FBXL5: variants seen among roughly 807,000 people sequenced by gnomAD.
FBXL5 encodes the protein F-box and leucine rich repeat protein 5.
In FBXL5, 26 loss-of-function variants were observed where a neutral mutation model predicts 78.3. The ratio of observed to expected loss-of-function variants is 0.33; its 90% CI spans 0.24 to 0.46. FBXL5 has a LOEUF of 0.46. Ranked by LOEUF, FBXL5 falls within the 20% of genes least tolerant of loss-of-function variation. FBXL5 has a pLI of 1.00. For synonymous variants in FBXL5, 295 were observed against 282.5 expected (o/e 1.04, Z -0.45); for missense variants, 710 against 829.2 (o/e 0.86, Z 1.77).
intron 1 of FBXL5, among the ~76,000 whole-genome samples, chr4:15,665,380 C>A (rs867670760): frequency 2.0e-5 from 3 of 152,124 alleles, no homozygotes; most frequent in South Asian, 4.1e-4. Context: ...AGAATCCCTC[C>A]TTCTCTCCAA....
intron 1 of FBXL5, among the ~76,000 whole-genome samples, chr4:15,647,299 C>T (rs1437184147): frequency 1.5e-5 from 2 of 131,684 alleles, no homozygotes; most frequent in South Asian, 5.1e-4. Flanking sequence ...AACAATATAA[C>T]AACTACATAC....
At chr4:15,668,215 G>T (rs1717626534) in intron 1 of FBXL5, among the ~76,000 whole-genome samples, 1 of 150,364 alleles carries the variant, frequency 6.7e-6, no homozygotes, top group African/African-American at 2.5e-5. Context: ...AGTTGTAAAT[G>T]GTCAGTTCAT....
chr4:15,617,536 T>C (rs190683015), intron 9 of FBXL5, among the ~76,000 whole-genome samples: 185 of 119,624 alleles, frequency 1.5e-3, no homozygotes, highest in African/African-American at 5.6e-3. Context: ...AGAGTGAGAC[T>C]CCATGTCTCA....
chr4:15,655,873 C>T (rs1417751768), upstream of FBXL5, among the ~76,000 whole-genome samples: 2 of 152,220 alleles, frequency 1.3e-5, no homozygotes, highest in Non-Finnish European at 2.9e-5. Flanking sequence ...GGCCGCCACT[C>T]AAAGGCCGGG....
At chr4:15,661,016 G>C (rs995478901), upstream of FBXL5, among the ~76,000 whole-genome samples, 1 of 151,980 alleles carries the variant, frequency 6.6e-6, no homozygotes. Context: ...GAAGGAGGTT[G>C]CAGTGAGCCT....
At chr4:15,680,161 C>T (rs1022171718) in intron 1 of FBXL5, among the ~76,000 whole-genome samples, 3 of 151,356 alleles carry the variant, frequency 2.0e-5, no homozygotes, top group African/African-American at 7.3e-5. Flanking sequence ...GAAGGAGAGA[C>T]CGAGTGAAAT....
Position 15,636,655 on chromosome 4 carries a change from G to T in FBXL5, c.605C>A (p.Ser202Tyr), listed in dbSNP as rs1295336328. Residue 202 changes from serine (S) to tyrosine (Y), a missense_variant, in exon 5 of 11, where the codon TCC becomes TAC. Physicochemically the swap from Ser to Tyr is moderately radical, Grantham distance 144 (BLOSUM62 -2). Around this residue, in one of 4 missense-constraint regions of FBXL5, gnomAD observed 517 missense variants for 542.9 expected, o/e 0.95. Coordinates refer to ENST00000341285, the MANE Select transcript of FBXL5 (RefSeq NM_012161.4). ...AGGAGGAAGATGGGTTATACCTGTG[G>T]AGTGTTCTGACACTTCTGCTTCTGA... is the stretch of plus-strand genomic sequence containing the variant. Reference protein sequence around the residue: ...SDKEAEVSEHSTGITHLPPEV... With the variant: ...SDKEAEVSEHYTGITHLPPEV... 7 of 1,602,024 alleles carry T rather than the reference G, an allele frequency of 4.4e-6. No individual in the cohort carries two copies. Among genetic ancestry groups the T allele is most frequent in the Non-Finnish European group, 5.1e-6 (6 of 1,173,044 alleles).
chr4:15,636,401 C>T, intron 5 of FBXL5, 93 bp downstream of exon 5: 7 of 1,028,976 alleles, frequency 6.8e-6, no homozygotes, highest in Non-Finnish European at 7.9e-6. Context: ...TGATTGACCT[C>T]TCAGAGTTTC....
At position 15,640,770 on chromosome 4, in the gene FBXL5, A is replaced by G; in HGVS notation, c.396+18T>C. ...AGAATGTTATAAATCTAAATCACGA[A>G]AGAAAAATTATGCTTACCTCCTCTT... is the stretch of plus-strand genomic sequence containing the variant. On this transcript the variant is annotated intron_variant, in intron 3 of 10. Transcript: ENST00000341285. 1 of 1,379,742 alleles carries G rather than the reference A, an allele frequency of 7.2e-7. No homozygotes were observed. Among genetic ancestry groups the G allele is most frequent in the African/African-American group, 1.7e-5 (1 of 59,192 alleles). 85.5% of individuals were successfully genotyped at this position (1,379,742 alleles called of 1,614,324 possible).
chr4:15,630,184 C>A (rs1231664568), intron 6 of FBXL5, among the ~76,000 whole-genome samples: 1 of 152,020 alleles, frequency 6.6e-6, no homozygotes, highest in Non-Finnish European at 1.5e-5. Flanking sequence ...TTTTGTAATC[C>A]CTTACCATTT....
chr4:15,641,323 C>T (rs1032868706), intron 2 of FBXL5, among the ~76,000 whole-genome samples: 1 of 152,018 alleles, frequency 6.6e-6, no homozygotes, highest in African/African-American at 2.4e-5. Flanking sequence ...TGTGCGGGTT[C>T]ACTTAATTAC....
chr4:15,608,933 G>A (rs1228655905), intron 10 of FBXL5, among the ~76,000 whole-genome samples: 1 of 152,100 alleles, frequency 6.6e-6, no homozygotes, highest in Non-Finnish European at 1.5e-5. Context: ...GAAAACAGGA[G>A]ACTAACACCT....
chr4:15,615,206 T>C (rs1413195239), intron 9 of FBXL5, among the ~76,000 whole-genome samples: 1 of 152,164 alleles, frequency 6.6e-6, no homozygotes, highest in Admixed American at 6.5e-5. Context: ...ACCCACTCCA[T>C]GGGCTCCTGT....
chr4:15,612,450 A>T, intron 9 of FBXL5, 36 bp from the exon 10 acceptor site: 1 of 1,553,180 alleles, frequency 6.4e-7, no homozygotes, highest in East Asian at 2.3e-5. Flanking sequence ...AGAAGATACT[A>T]ATCTATAAAA....
chr4:15,653,234 C>T (rs1462252229), intron 1 of FBXL5, among the ~76,000 whole-genome samples: 2 of 152,058 alleles, frequency 1.3e-5, no homozygotes, highest in Non-Finnish European at 2.9e-5. Flanking sequence ...TTTTGACTTA[C>T]ACCATGTCAA....
intron 2 of FBXL5, among the ~76,000 whole-genome samples, 180 bp from the exon 3 acceptor site, chr4:15,641,063 T>G (rs910738082): frequency 2.0e-5 from 3 of 152,120 alleles, no homozygotes; most frequent in African/African-American, 7.2e-5. Flanking sequence ...TTGAATTACT[T>G]TAGTAATGTA....
intron 10 of FBXL5, among the ~76,000 whole-genome samples, chr4:15,608,103 G>A (rs532354135): frequency 5.3e-5 from 8 of 152,122 alleles, no homozygotes; most frequent in Non-Finnish European, 8.8e-5. Flanking sequence ...ACATACCACC[G>A]ACACGGAGGA....
upstream of FBXL5, among the ~76,000 whole-genome samples, chr4:15,658,561 A>T (rs59620776): frequency 0.048 from 7,240 of 151,854 alleles, 616 homozygotes; most frequent in East Asian, 0.31. Flanking sequence ...CTGTGCCAGC[A>T]TGCTGAGTCC....
intron 8 of FBXL5, 86 bp from the exon 9 acceptor site, chr4:15,626,063 G>C (rs953980118): frequency 2.0e-5 from 24 of 1,209,554 alleles, no homozygotes; most frequent in Non-Finnish European, 2.4e-5. Flanking sequence ...AAAACCAGAA[G>C]AAAGATTTGA....
Sources: gnomAD v4.1 joint callset for allele counts (sites outside exome capture counted in the v4.1 genomes callset) on GRCh38, gnomAD v4.1.1 for gene constraint, gnomAD v4.1.1 regional missense constraint, MANE v1.5 for transcripts, NCBI Gene and HGNC (gene_info 2026-07-23, HGNC 2026-07-21) for gene names.